AGL: variants seen among roughly 807,000 people sequenced by gnomAD.
The protein encoded by AGL is amylo-alpha-1,6-glucosidase and 4-alpha-glucanotransferase, also known as glycogen debranching enzyme.
AGL carries 128 observed loss-of-function variants against 199.3 expected under a neutral mutation model. The ratio of observed to expected loss-of-function variants is 0.64; its 90% CI spans 0.56 to 0.74. AGL has a LOEUF of 0.74. Among genes scored for constraint, AGL ranks in the 30% least tolerant of loss-of-function variants. The probability of loss-of-function intolerance (pLI) is 0.00; values close to 1 mark genes in which losing one functional copy is unlikely to be tolerated. For missense variants in AGL, 1,809 were observed against 1,820.8 expected (o/e 0.99, Z 0.12); for synonymous variants, 584 against 594.7 (o/e 0.98, Z 0.26).
chr1:99,868,292 AAG>A (rs1650704649), intron 5 of AGL, among the ~76,000 whole-genome samples: 1 of 152,164 alleles, frequency 6.6e-6, no homozygotes, highest in African/African-American at 2.4e-5. Flanking sequence ...ATATTGAAAA[AAG>A]AAACAGTTTT....
chr1:99,907,693 G>GTTTTTTTTTTTTTTTTTT lies in AGL; in HGVS notation c.3701-3011_3701-3010insTTTTTTTTTTTTTTTTTT, dbSNP rs71075465. On this transcript the variant is annotated intron_variant, in intron 27 of 33. Transcript: ENST00000361915. ...TTTTGTTCGTTTGTTTTTGTTTTTT[G>GTTTTTTTTTTTTTTTTTT]TTTTTTTTGCTAGTAGCCATCCTAA... 2.3e-3 allele frequency among the ~76,000 whole-genome samples: 277 copies of GTTTTTTTTTTTTTTTTTT among 118,790 alleles called. 15 individuals are homozygous for GTTTTTTTTTTTTTTTTTT. The highest frequency in any genetic ancestry group is 3.2e-3 in the Non-Finnish European group (176 of 55,764). The allele number at this position is 118,790 out of a possible 152,430, so 77.9% of individuals were successfully genotyped here.
At chr1:99,873,689 C>T (rs1339494052) in intron 7 of AGL, among the ~76,000 whole-genome samples, 1 of 152,192 alleles carries the variant, frequency 6.6e-6, no homozygotes, top group Non-Finnish European at 1.5e-5. Flanking sequence ...CCACCTCAGC[C>T]TCCCAAAATG....
Position 99,857,516 on chromosome 1 carries a change from G to T in AGL, c.83-3987G>T, listed in dbSNP as rs574827302. 1.1e-4 allele frequency among the ~76,000 whole-genome samples: 17 copies of T among 152,122 alleles called. No individual in the cohort carries two copies. The South Asian group carries it at 3.5e-3, about 32-fold the overall frequency. The stretch of plus-strand genomic sequence containing the variant: ...GATCACGCCACTGCACTCCAGCCTG[G>T]GCAACATTGAGCACTGAGTGAATGA... On this transcript the variant is annotated intron_variant, in intron 2 of 33. Transcript: ENST00000361915.
chr1:99,853,546 A>G (rs1239679300), intron 2 of AGL, among the ~76,000 whole-genome samples: 2 of 152,228 alleles, frequency 1.3e-5, no homozygotes, highest in African/African-American at 4.8e-5. Context: ...ATAATGAAGC[A>G]GTGTCTAAAG....
intron 13 of AGL, 96 bp from the exon 14 acceptor site, chr1:99,880,536 T>A: frequency 2.3e-6 from 3 of 1,327,780 alleles, no homozygotes; most frequent in Non-Finnish European, 3.2e-6. Flanking sequence ...AATATTGATG[T>A]GGTCTTTATT....
intron 3 of AGL, 80 bp from the exon 4 acceptor site, chr1:99,862,177 T>A (rs1389117238): frequency 1.8e-5 from 24 of 1,319,804 alleles, no homozygotes; most frequent in Non-Finnish European, 2.3e-5. Flanking sequence ...ATTAACCTTT[T>A]AGTTAGAGTC....
intron 30 of AGL, among the ~76,000 whole-genome samples, chr1:99,914,257 A>G (rs756524977): frequency 3.9e-5 from 6 of 152,232 alleles, no homozygotes; most frequent in Non-Finnish European, 7.3e-5. Flanking sequence ...GGGTCTCTGT[A>G]TCCTACACAC....
rs1650902211 is a variant in AGL, at chr1:99,870,559, T to C, written c.824T>C (p.Ile275Thr). 1 of 1,613,940 alleles carries C rather than the reference T, an allele frequency of 6.2e-7. No homozygotes were observed. The highest frequency in any genetic ancestry group is 1.7e-5 in the Admixed American group (1 of 60,002). Reference protein sequence around the residue: ...KYKEKGIPALIENDHHMNSIR... With the variant: ...KYKEKGIPALTENDHHMNSIR... ...AAAGAAAAGGGAATACCTGCTTTGA[T>C]TGAAAATGATCACCATATGAATGTC... Residue 275 changes from isoleucine to threonine, a missense_variant, in exon 6 of 34, where the codon ATT becomes ACT. By Grantham distance (89) the Ile-to-Thr change is moderately conservative. Transcript: ENST00000361915.
intron 2 of AGL, among the ~76,000 whole-genome samples, chr1:99,852,037 T>G (rs557111760): frequency 6.6e-6 from 1 of 152,168 alleles, no homozygotes; most frequent in Non-Finnish European, 1.5e-5. Context: ...GATTTTTTTT[T>G]CCCCCTCCCC....
intron 26 of AGL, among the ~76,000 whole-genome samples, chr1:99,901,111 G>T (rs1412209485): frequency 6.6e-6 from 1 of 152,008 alleles, no homozygotes; most frequent in Non-Finnish European, 1.5e-5. Context: ...AGGAAGTGTT[G>T]TGTAGTCTCT....
chr1:99,913,252 G>A (rs1449277267), intron 29 of AGL, among the ~76,000 whole-genome samples: 1 of 151,708 alleles, frequency 6.6e-6, no homozygotes, highest in Non-Finnish European at 1.5e-5. Context: ...ATTTAACTCA[G>A]TGTATGTATA....
At chr1:99,906,724 A>G (rs767649070) in intron 27 of AGL, among the ~76,000 whole-genome samples, 2 of 152,152 alleles carry the variant, frequency 1.3e-5, no homozygotes, top group Admixed American at 1.3e-4. Context: ...TTCTTTTTCA[A>G]GGCTGCATAA....
chr1:99,864,735 C>T, intron 5 of AGL, 146 bp downstream of exon 5: 4 of 705,220 alleles, frequency 5.7e-6, no homozygotes, highest in Non-Finnish European at 7.0e-6. Flanking sequence ...ATTAGGTGTC[C>T]TTCTGTTTAA....
At position 99,880,753 on chromosome 1, in the gene AGL, CCT is replaced by C; in HGVS notation, c.1858_1859del (p.Leu620ValfsTer7). ...RPLMPAIAHA[L>X]FMDITHDNEC... is the part of the protein sequence containing the mutation. ...CTTTAATGCCAGCTATTGCACATGC[CCT>C]GTTTATGGATATTACGCATGATAAT... On this transcript the variant is annotated frameshift_variant, in exon 14 of 34. Transcript: ENST00000361915. LOFTEE classifies it high-confidence loss of function. The C allele has an allele frequency of 6.2e-7, 1 of 1,613,910 alleles. No homozygotes were observed.
chr1:99,883,076 A>G (rs1445920138), intron 17 of AGL, among the ~76,000 whole-genome samples: 1 of 152,132 alleles, frequency 6.6e-6, no homozygotes. Context: ...TGTGATTTTT[A>G]TTTTGTTAAA....
At chr1:99,851,232 G>T (rs1648927842) in intron 2 of AGL, 108 bp downstream of exon 2, 4 of 1,021,484 alleles carry the variant, frequency 3.9e-6, no homozygotes, top group Non-Finnish European at 4.6e-6. Context: ...TATTTCCAAG[G>T]GTCTAAAACT....
intron 33 of AGL, 44 bp downstream of exon 33, chr1:99,916,775 C>G: frequency 6.3e-7 from 1 of 1,588,828 alleles, no homozygotes; most frequent in East Asian, 2.2e-5. Context: ...AGTGTTTAGT[C>G]AGTTTATTAG....
chr1:99,917,212 C>T (rs907888647), intron 33 of AGL, among the ~76,000 whole-genome samples: 5 of 152,162 alleles, frequency 3.3e-5, no homozygotes, highest in South Asian at 2.1e-4. Flanking sequence ...GTCAGAGTTA[C>T]GTATCTTTAT....
intron 33 of AGL, among the ~76,000 whole-genome samples, chr1:99,920,454 A>G (rs1291408190): frequency 1.3e-5 from 2 of 152,308 alleles, no homozygotes; most frequent in Admixed American, 6.5e-5. Flanking sequence ...CGGGGCTAGG[A>G]CTTCAACATA....
Sources: gnomAD v4.1 joint callset for allele counts (sites outside exome capture counted in the v4.1 genomes callset) on GRCh38, gnomAD v4.1.1 for gene constraint, MANE v1.5 for transcripts, NCBI Gene and HGNC (gene_info 2026-07-23, HGNC 2026-07-21) for gene names.